Variants in PTHLH observed in about 807,000 individuals in gnomAD.
The protein encoded by PTHLH is parathyroid hormone like hormone.
PTHLH carries 5 observed loss-of-function variants against 18.6 expected under a neutral mutation model. That is an observed-to-expected ratio of 0.27 (90% CI 0.14 to 0.56). PTHLH has a LOEUF of 0.56. PTHLH is among the 20% of genes least tolerant of loss of function. The probability of loss-of-function intolerance (pLI) is 0.92; values close to 1 mark genes in which losing one functional copy is unlikely to be tolerated. For missense variants in PTHLH, 207 were observed against 223.9 expected (o/e 0.92, Z 0.48); for synonymous variants, 90 against 94.0 (o/e 0.96, Z 0.25).
In PTHLH at chr12:27,970,221, C is replaced by A. The variant is rs2062857030; in HGVS notation, c.-219G>T. On this transcript the variant is annotated 5_prime_UTR_variant, in exon 3 of 6. Transcript: ENST00000545234. ...CTGGCCGGGCGGCGCAGGTTGGAGG[C>A]GAGTTGAAAACCGAGCGGAGGAATG... The A allele has an allele frequency of 6.1e-6, 3 of 492,120 alleles. No individual in the cohort carries two copies. Among genetic ancestry groups the A allele is most frequent in the South Asian group, 4.5e-5 (3 of 67,074 alleles). The allele number at this position is 492,120 out of a possible 1,614,324, so 30.5% of individuals were successfully genotyped here. A position where few individuals can be genotyped will look rare whatever the true frequency, so the allele number is the denominator to read the frequency against.
intron 2 of PTHLH, among the ~76,000 whole-genome samples, chr12:27,971,240 T>A (rs561277106): frequency 6.6e-6 from 1 of 152,180 alleles, no homozygotes; most frequent in African/African-American, 2.4e-5. Flanking sequence ...ACTATGGTTA[T>A]GTGCTGCTCT....
In PTHLH at chr12:27,963,519, G is replaced by A. The variant is rs1350620386; in HGVS notation, c.353C>T (p.Pro118Leu). ...CTTTTTCTTCCCAGGTGTCTTGAGC[G>A]GCTGCTCTTTGTACGTCTCCACCTT... is the stretch of plus-strand genomic sequence containing the variant. ...TNKVETYKEQ[P>L]LKTPGKKKKG... The change falls in exon 5 of 6, where the codon CCG becomes CTG. Residue 118 changes from proline to leucine, a missense_variant. Transcript: ENST00000545234. The A allele has an allele frequency of 6.2e-7, 1 of 1,614,152 alleles. No homozygotes were observed. Among genetic ancestry groups the A allele is most frequent in the Non-Finnish European group, 8.5e-7 (1 of 1,180,028 alleles).
Position 27,960,324 on chromosome 12 carries a change from G to T in PTHLH, c.525-1756C>A, listed in dbSNP as rs190246500. ...ATCTGGATATCACATTTGAAGCATT[G>T]AAAATTCTAAAATATAATTCCTCCA... On this transcript the variant is annotated intron_variant, in intron 5 of 5. Coordinates refer to ENST00000545234, the MANE Select transcript of PTHLH (RefSeq NM_198965.2). 4.7e-3 allele frequency among the ~76,000 whole-genome samples: 723 copies of T among 152,214 alleles called. 8 individuals are homozygous for T. Among genetic ancestry groups the T allele is most frequent in the African/African-American group, 0.017 (686 of 41,540 alleles).
At chr12:27,962,531 A>G in intron 5 of PTHLH, 4 of 985,196 alleles carry the variant, frequency 4.1e-6, no homozygotes, top group Non-Finnish European at 4.8e-6. Flanking sequence ...TTTGATCCCA[A>G]AGTCTAGGAG....
chr12:27,963,393 T>G lies in PTHLH; in HGVS notation c.479A>C (p.Asp160Ala), dbSNP rs1415224923. The G allele has an allele frequency of 2.5e-6, 4 of 1,613,970 alleles. No individual in the cohort carries two copies. The African/African-American group carries it at 5.3e-5, about 22-fold the overall frequency. The change falls in exon 5 of 6, where the codon GAC becomes GCC. Residue 160 changes from aspartate to alanine, a missense_variant. Physicochemically the swap from Asp to Ala is moderately radical, Grantham distance 126 (BLOSUM62 -2). Transcript: ENST00000545234. The part of the protein sequence containing the change: ...SGVTGSGLEG[D>A]HLSDTSTTSL... ...CGTTGTGGAGGTGTCAGACAGGTGG[T>G]CCCCTTCTAGCCCACTCCCAGTCAC...
At chr12:27,959,759 G>T (rs2062738702) in intron 5 of PTHLH, among the ~76,000 whole-genome samples, 1 of 152,280 alleles carries the variant, frequency 6.6e-6, no homozygotes, top group African/African-American at 2.4e-5. Flanking sequence ...CAATGGTTTT[G>T]GTGGGAATGT....
intron 4 of PTHLH, 38 bp from the exon 5 acceptor site, chr12:27,963,808 A>C: frequency 6.2e-7 from 1 of 1,600,396 alleles, no homozygotes; most frequent in Non-Finnish European, 8.6e-7. Context: ...AAAACAGTTA[A>C]ATTTTAGTTG....
At chr12:27,963,314 C>T (rs774158461) in intron 5 of PTHLH, 34 bp downstream of exon 5, 2 of 1,614,092 alleles carry the variant, frequency 1.2e-6, no homozygotes, top group Non-Finnish European at 1.7e-6. Context: ...CTGAGAGCAC[C>T]CCGCTGAGGC....
Position 27,963,380 on chromosome 12 carries a change from G to A in PTHLH, c.492C>T (p.Asp164=), listed in dbSNP as rs747581005. ...CGAGCTCCAGCGACGTTGTGGAGGT[G>A]TCAGACAGGTGGTCCCCTTCTAGCC... The part of the protein sequence containing the change: ...GSGLEGDHLS[D]TSTTSLELDS... Residue 164 remains aspartate, a synonymous_variant, in exon 5 of 6, where the codon GAC becomes GAT. Coordinates refer to ENST00000545234, the MANE Select transcript of PTHLH (RefSeq NM_198965.2). The A allele has an allele frequency of 6.2e-7, 1 of 1,614,236 alleles. No individual in the cohort carries two copies. Among genetic ancestry groups the A allele is most frequent in the South Asian group, 1.1e-5 (1 of 91,086 alleles).
intron 2 of PTHLH, 69 bp downstream of exon 2, chr12:27,971,858 G>C (rs1320269664): frequency 6.6e-6 from 1 of 151,876 alleles, no homozygotes; most frequent in Non-Finnish European, 1.5e-5. Context: ...GAATGTGTAA[G>C]GATTTCTAAA....
chr12:27,970,408 C>T (rs1291193339), intron 2 of PTHLH, 141 bp from the exon 3 acceptor site: 2 of 148,636 alleles, frequency 1.3e-5, no homozygotes, highest in African/African-American at 4.9e-5. Context: ...CCGCGCCGCC[C>T]GAGCGAGTGG....
chr12:27,963,838 C>T, intron 4 of PTHLH, 68 bp from the exon 5 acceptor site: 1 of 1,489,428 alleles, frequency 6.7e-7, no homozygotes, highest in Non-Finnish European at 9.3e-7. Context: ...ACAACAAAGA[C>T]ATGAGTAAAT....
At chr12:27,970,385 G>T (rs2062859261) in intron 2 of PTHLH, 118 bp from the exon 3 acceptor site, 1 of 148,014 alleles carries the variant, frequency 6.8e-6, no homozygotes, top group African/African-American at 2.4e-5. Flanking sequence ...GCGACGGGCG[G>T]CCCGAACGGG....
intron 4 of PTHLH, among the ~76,000 whole-genome samples, chr12:27,965,421 C>G (rs948386007): frequency 6.6e-6 from 1 of 152,182 alleles, no homozygotes; most frequent in Non-Finnish European, 1.5e-5. Context: ...CCTTGAAGAT[C>G]AAGCCTATTG....
intron 5 of PTHLH, among the ~76,000 whole-genome samples, chr12:27,961,320 T>C (rs151074922): frequency 0.48 from 48,917 of 100,936 alleles, 11,753 homozygotes; most frequent in Non-Finnish European, 0.49. Context: ...TATATATATA[T>C]ACGTATATAT....
At chr12:27,967,176 C>T (rs2062821848) in intron 4 of PTHLH, among the ~76,000 whole-genome samples, 1 of 152,184 alleles carries the variant, frequency 6.6e-6, no homozygotes. Context: ...ATAGAGATAG[C>T]CACCTGCCAG....
intron 5 of PTHLH, among the ~76,000 whole-genome samples, chr12:27,960,089 T>A (rs2062741316): frequency 6.6e-6 from 1 of 152,242 alleles, no homozygotes; most frequent in Non-Finnish European, 1.5e-5. Flanking sequence ...TCCTTTCTTT[T>A]GATTTCTCCT....
chr12:27,972,252 C>T (rs137909218), intron 1 of PTHLH, among the ~76,000 whole-genome samples: 3 of 152,284 alleles, frequency 2.0e-5, no homozygotes, highest in Non-Finnish European at 4.4e-5. Context: ...AATAAATTCA[C>T]TTTACTTTCA....
chr12:27,961,322 C>CGTGTATATATATATATAT (rs576903290), intron 5 of PTHLH, among the ~76,000 whole-genome samples: 5,313 of 101,034 alleles, frequency 0.053, 367 homozygotes, highest in East Asian at 0.15. Context: ...TATATATATA[C>CGTGTATATATATATATAT]GTATATATAT....
Sources: allele counts gnomAD v4.1 joint callset (sites outside exome capture counted in the v4.1 genomes callset), GRCh38; gene constraint gnomAD v4.1.1; transcripts MANE v1.5; gene names NCBI Gene and HGNC (gene_info 2026-07-23, HGNC 2026-07-21).